The following PPFIA1 variants were observed in gnomAD, a reference collection of about 807,000 sequenced individuals.
The protein encoded by PPFIA1 is liprin-alpha-1.
PPFIA1 carries 25 observed loss-of-function variants against 149.9 expected under a neutral mutation model. The ratio of observed to expected loss-of-function variants is 0.17; its 90% CI spans 0.12 to 0.23. The LOEUF (loss-of-function observed/expected upper bound fraction) is 0.23, where lower values mean the gene tolerates loss of function less well. Among genes scored for constraint, PPFIA1 ranks in the 10% least tolerant of loss-of-function variants. PPFIA1 has a pLI of 1.00. For missense variants in PPFIA1, 1,362 were observed against 1,506.5 expected, an observed-to-expected ratio of 0.90 and a Z score of 1.59; for synonymous variants, 549 against 552.8, an observed-to-expected ratio of 0.99 and a Z score of 0.10.
At chr11:70,343,040 C>G (rs1471078122) in intron 14 of PPFIA1, among the ~76,000 whole-genome samples, 2 of 150,036 alleles carry the variant, frequency 1.3e-5, no homozygotes, top group African/African-American at 4.9e-5. Flanking sequence ...TTCCACCTCC[C>G]AGGTTCAAGC....
chr11:70,276,691 T>C (rs2050397050), intron 2 of PPFIA1, among the ~76,000 whole-genome samples: 1 of 152,160 alleles, frequency 6.6e-6, no homozygotes, highest in Admixed American at 6.5e-5. Context: ...TTAGAATTAA[T>C]TTTATAGGTA....
At chr11:70,302,516 G>T (rs1591126298) in intron 2 of PPFIA1, among the ~76,000 whole-genome samples, 1 of 152,176 alleles carries the variant, frequency 6.6e-6, no homozygotes, top group East Asian at 1.9e-4. Flanking sequence ...CACTTGAGAC[G>T]CTTCCTTGGT....
At chr11:70,329,058 T>G (rs1435232031) in intron 7 of PPFIA1, among the ~76,000 whole-genome samples, 2 of 152,200 alleles carry the variant, frequency 1.3e-5, no homozygotes, top group Non-Finnish European at 2.9e-5. Flanking sequence ...TTTCCATTTG[T>G]CAATATGCTT....
intron 16 of PPFIA1, among the ~76,000 whole-genome samples, chr11:70,352,870 G>A (rs537014466): frequency 1.3e-5 from 2 of 152,202 alleles, no homozygotes; most frequent in East Asian, 3.9e-4. Flanking sequence ...CCAGGCTCAC[G>A]GGGCTTTCCC....
intron 2 of PPFIA1, among the ~76,000 whole-genome samples, chr11:70,322,309 C>T (rs768139538): frequency 1.3e-5 from 2 of 152,164 alleles, no homozygotes; most frequent in Non-Finnish European, 2.9e-5. Context: ...ATTAGATGAT[C>T]TGACAGTCAG....
chr11:70,311,725 G>A (rs1177200514), intron 2 of PPFIA1, among the ~76,000 whole-genome samples: 1 of 151,234 alleles, frequency 6.6e-6, no homozygotes, highest in Non-Finnish European at 1.5e-5. Flanking sequence ...GAGTGTAGCT[G>A]TCTTTGCACA....
intron 2 of PPFIA1, among the ~76,000 whole-genome samples, chr11:70,295,992 A>G (rs1001484525): frequency 2.8e-5 from 4 of 144,200 alleles, no homozygotes; most frequent in East Asian, 4.3e-4. Flanking sequence ...GACGCTCCTC[A>G]CCTCCCAGAC....
chr11:70,304,176 T>C (rs1167324995), intron 2 of PPFIA1, among the ~76,000 whole-genome samples: 2 of 152,140 alleles, frequency 1.3e-5, no homozygotes, highest in Non-Finnish European at 2.9e-5. Flanking sequence ...CCTAAAACCC[T>C]AAAAGGATAG....
intron 2 of PPFIA1, among the ~76,000 whole-genome samples, chr11:70,317,376 T>C (rs539781490): frequency 7.2e-5 from 11 of 152,344 alleles, no homozygotes; most frequent in Admixed American, 5.9e-4. Flanking sequence ...TGCTTTGATA[T>C]ATTTTCAGTT....
intron 2 of PPFIA1, among the ~76,000 whole-genome samples, chr11:70,304,574 C>T (rs990618505): frequency 6.6e-6 from 1 of 152,148 alleles, no homozygotes; most frequent in Non-Finnish European, 1.5e-5. Flanking sequence ...ATCATGGGAA[C>T]CCTGATTCAT....
intron 10 of PPFIA1, 53 bp downstream of exon 10, chr11:70,333,606 T>C (rs1216148194): frequency 1.3e-5 from 19 of 1,446,356 alleles, no homozygotes; most frequent in Non-Finnish European, 1.7e-5. Flanking sequence ...GCAAGGTCAT[T>C]GCTCGGCTGT....
At chr11:70,279,726 T>G (rs1344330727) in intron 2 of PPFIA1, among the ~76,000 whole-genome samples, 1 of 86,700 alleles carries the variant, frequency 1.2e-5, no homozygotes, top group African/African-American at 4.0e-5. Flanking sequence ...TGTCTAGGTG[T>G]GTGTGTGTGT....
chr11:70,311,836 CTTTTTTTTTT>C (rs140584652), intron 2 of PPFIA1, among the ~76,000 whole-genome samples: 22 of 70,114 alleles, frequency 3.1e-4, no homozygotes, highest in African/African-American at 9.1e-4. Flanking sequence ...AGTGAGTCAG[CTTTTTTTTTT>C]TTTTTTTTTT....
At chr11:70,299,599 A>G (rs1332503000) in intron 2 of PPFIA1, among the ~76,000 whole-genome samples, 1 of 151,794 alleles carries the variant, frequency 6.6e-6, no homozygotes, top group Non-Finnish European at 1.5e-5. Flanking sequence ...GTGTTTTGTG[A>G]TTGTTTCAGA....
chr11:70,310,429 A>G (rs2053183914), intron 2 of PPFIA1, among the ~76,000 whole-genome samples: 1 of 146,412 alleles, frequency 6.8e-6, no homozygotes, highest in South Asian at 2.1e-4. Context: ...CTCTGTCGAC[A>G]GGCTGGAGGG....
intron 16 of PPFIA1, chr11:70,350,177 G>C (rs1052438071): frequency 3.5e-6 from 1 of 289,290 alleles, no homozygotes; most frequent in African/African-American, 2.3e-5. Flanking sequence ...TATATAGTAA[G>C]TATGGATACA....
rs267603161 is a variant in PPFIA1 at position 70,372,310 on chromosome 11, C to T, written c.2961C>T (p.Cys987=). 6.2e-7 allele frequency: 1 copy of T among 1,614,202 alleles called. No homozygotes were observed. The highest frequency in any genetic ancestry group is 8.5e-7 in the Non-Finnish European group (1 of 1,180,044). ...AGTACCGCAGCTACTTCATGGAGTGCCTTGTAGACGCCAGGATGCTGGACC... is the reference window on the plus strand; with the variant it reads ...AGTACCGCAGCTACTTCATGGAGTGTCTTGTAGACGCCAGGATGCTGGACC... The part of the protein sequence containing the change: ...LPQYRSYFME[C]LVDARMLDHL... The change falls in exon 22 of 28, where the codon TGC becomes TGT. Residue 987 remains cysteine, a synonymous_variant. Transcript: ENST00000253925.
At chr11:70,324,756 TA>T in intron 3 of PPFIA1, 90 bp from the exon 4 acceptor site, 2 of 1,231,790 alleles carry the variant, frequency 1.6e-6, no homozygotes, top group East Asian at 4.7e-5. Context: ...TTCATTTTAG[TA>T]TGAGACTGTA....
chr11:70,312,689 T>C (rs2053365300), intron 2 of PPFIA1, among the ~76,000 whole-genome samples: 1 of 152,194 alleles, frequency 6.6e-6, no homozygotes, highest in African/African-American at 2.4e-5. Flanking sequence ...AGCCCAGGTG[T>C]GCAGTGCATT....
Sources: gnomAD v4.1 joint callset for allele counts (sites outside exome capture counted in the v4.1 genomes callset) on GRCh38, gnomAD v4.1.1 for gene constraint, MANE v1.5 for transcripts, NCBI Gene and HGNC (gene_info 2026-07-23, HGNC 2026-07-21) for gene names.